The following DAB2IP variants were observed in gnomAD, a reference collection of about 807,000 sequenced individuals.
The protein encoded by DAB2IP is DAB2 interacting protein, also known as disabled homolog 2-interacting protein.
In DAB2IP, 28 loss-of-function variants were observed where a neutral mutation model predicts 107.2. The ratio of observed to expected loss-of-function variants is 0.26; its 90% confidence interval spans 0.19 to 0.36. DAB2IP has a LOEUF of 0.36. Ranked by LOEUF, DAB2IP falls within the 10% of genes least tolerant of loss-of-function variation. The pLI is 1.00. For synonymous variants in DAB2IP, 755 were observed against 706.4 expected, an observed-to-expected ratio of 1.07 and a Z score of -1.09; for missense variants, 1,400 against 1,644.7, an observed-to-expected ratio of 0.85 and a Z score of 2.57.
intron 3 of DAB2IP, chr9:121,742,919 C>G (rs1472860408): frequency 1.0e-6 from 1 of 985,340 alleles, no homozygotes; most frequent in East Asian, 1.1e-4. Context: ...GCACCTGTGA[C>G]AGGTGAGACT....
chr9:121,659,629 T>C (rs1464372604), intron 1 of DAB2IP, among the ~76,000 whole-genome samples: 1 of 151,850 alleles, frequency 6.6e-6, no homozygotes, highest in Non-Finnish European at 1.5e-5. Flanking sequence ...CCGTCTCTAC[T>C]AAAAATACAA....
In DAB2IP at chr9:121,627,446, C is replaced by T. The variant is rs191390986; in HGVS notation, c.41-51232C>T. ...ACATCCTTGTACATCTGTTCTTACA[C>T]GCTTGTGAGAGTTTATCTGAAGGAT... On this transcript the variant is annotated intron_variant, in intron 1 of 16. Transcript: ENST00000259371. Among the ~76,000 whole-genome samples the T allele has an allele frequency of 2.4e-4, 36 of 151,920 alleles. 1 individual carries two copies. Among genetic ancestry groups the T allele is most frequent in the Admixed American group, 1.7e-3 (26 of 15,250 alleles).
chr9:121,711,379 A>T (rs551624483), intron 3 of DAB2IP, among the ~76,000 whole-genome samples: 1 of 152,280 alleles, frequency 6.6e-6, no homozygotes, highest in Admixed American at 6.5e-5. Context: ...TACATTTTAC[A>T]TCCTCAAATT....
chr9:121,693,044 C>G (rs1829240078), intron 2 of DAB2IP, among the ~76,000 whole-genome samples: 1 of 152,242 alleles, frequency 6.6e-6, no homozygotes, highest in Non-Finnish European at 1.5e-5. Flanking sequence ...GGTGATCACC[C>G]AGTCTAGCCC....
chr9:121,642,025 C>CTTTCTTTCTTTCTT (rs1274054146), intron 1 of DAB2IP, among the ~76,000 whole-genome samples: 82 of 10,824 alleles, frequency 7.6e-3, no homozygotes, highest in Admixed American at 0.015. Context: ...CTCTCTCTCT[C>CTTTCTTTCTTTCTT]TCTCTCTTTC....
chr9:121,785,276 C>G (rs1263776095), exon 16 of DAB2IP: 3 of 148,370 alleles, frequency 2.0e-5, no homozygotes, highest in Non-Finnish European at 4.4e-5. Context: ...GGGAAACAGC[C>G]TCTCTCTTTT....
Position 121,635,766 on chromosome 9 carries a change from C to T in DAB2IP, c.41-42912C>T, listed in dbSNP as rs1832065056. On this transcript the variant is annotated intron_variant, in intron 1 of 16. Transcript: ENST00000259371. This position sits in a 1 kb window ranked among gnomAD's most constrained non-coding sequence, Gnocchi z 4.3. ...CAGTGGGGAGCGGGTTTTGGCCCAG[C>T]CCCACGCAGAGCCTTAAAGACGCAG... is the stretch of plus-strand genomic sequence containing the variant. 6.6e-6 allele frequency among the ~76,000 whole-genome samples: 1 copy of T among 152,202 alleles called. No individual in the cohort carries two copies. Among genetic ancestry groups the T allele is most frequent in the Non-Finnish European group, 1.5e-5 (1 of 68,036 alleles).
chr9:121,690,445 G>T (rs2118682699), intron 2 of DAB2IP, among the ~76,000 whole-genome samples: 1 of 152,256 alleles, frequency 6.6e-6, no homozygotes, highest in Middle Eastern at 3.4e-3. Context: ...CCTTAGCCAG[G>T]GCTGGCTGAG....
chr9:121,748,846 G>A (rs1254278151), intron 3 of DAB2IP, among the ~76,000 whole-genome samples: 1 of 152,178 alleles, frequency 6.6e-6, no homozygotes, highest in African/African-American at 2.4e-5. Context: ...CCTGTGATGT[G>A]GGGGGAAGCA....
intron 1 of DAB2IP, among the ~76,000 whole-genome samples, chr9:121,672,885 C>G (rs968895695): frequency 6.6e-6 from 1 of 152,198 alleles, no homozygotes; most frequent in African/African-American, 2.4e-5. Context: ...CCTATGGGAC[C>G]ATGAGGCCAG....
At chr9:121,572,114 C>T (rs966096340) in intron 1 of DAB2IP, among the ~76,000 whole-genome samples, 4 of 152,150 alleles carry the variant, frequency 2.6e-5, no homozygotes, top group Non-Finnish European at 5.9e-5. Context: ...AGAGGCCTGG[C>T]AGCGGCCAGC....
In DAB2IP at chr9:121,686,344, G is replaced by A. The variant is rs1435491399; in HGVS notation, c.228+7563G>A. 3.3e-5 allele frequency among the ~76,000 whole-genome samples: 5 copies of A among 152,180 alleles called. No homozygotes were observed. The East Asian group carries it at 9.6e-4, about 29-fold the overall frequency. On this transcript the variant is annotated intron_variant, in intron 2 of 15. Transcript: ENST00000408936. ...AAGTGAAGGGAACAAGCCAGCCTCT[G>A]TACCCCCTCCTCTTCCTGCCCTGGG...
chr9:121,592,127 G>A (rs1437237012), intron 1 of DAB2IP, among the ~76,000 whole-genome samples: 1 of 152,170 alleles, frequency 6.6e-6, no homozygotes, highest in African/African-American at 2.4e-5. Flanking sequence ...CAGCACTTTG[G>A]GAGGCCGAGG....
Position 121,699,558 on chromosome 9 carries a change from A to C in DAB2IP, c.362+100A>C. The C allele has an allele frequency of 5.7e-6, 6 of 1,061,540 alleles. No individual in the cohort carries two copies. Among genetic ancestry groups the C allele is most frequent in the Non-Finnish European group, 5.8e-6 (5 of 860,450 alleles). 65.8% of individuals were successfully genotyped at this position (1,061,540 alleles called of 1,614,324 possible). On this transcript the variant is annotated intron_variant, in intron 3 of 15. Coordinates refer to ENST00000408936, the Ensembl canonical transcript of DAB2IP. This position sits in a 1 kb window ranked among gnomAD's most constrained non-coding sequence, Gnocchi z 6.2. ...GCGAGCCCGGCCCGGGGCGAGCCAC[A>C]CGGCGGTGGGGGGACCCCACGCCGC...
intron 14 of DAB2IP, among the ~76,000 whole-genome samples, chr9:121,778,850 T>G (rs1397381888): frequency 6.8e-6 from 1 of 146,392 alleles, no homozygotes; most frequent in Non-Finnish European, 1.5e-5. Flanking sequence ...TTTATGTATC[T>G]GTTTTCCCTG....
chr9:121,660,918 A>G (rs563830774), intron 1 of DAB2IP, among the ~76,000 whole-genome samples: 2 of 152,238 alleles, frequency 1.3e-5, no homozygotes, highest in South Asian at 4.2e-4. Flanking sequence ...ATTTATAGAC[A>G]TTGAACTAGT....
At chr9:121,629,134 G>A (rs1831778115) in intron 1 of DAB2IP, among the ~76,000 whole-genome samples, 1 of 152,198 alleles carries the variant, frequency 6.6e-6, no homozygotes, top group Non-Finnish European at 1.5e-5. Context: ...TGCTGGTGAA[G>A]GCGACAGAAA....
chr9:121,739,497 G>A (rs1380170627), intron 3 of DAB2IP, among the ~76,000 whole-genome samples: 1 of 152,234 alleles, frequency 6.6e-6, no homozygotes, highest in African/African-American at 2.4e-5. Context: ...TAGGGGTAAG[G>A]GGAAGCCCAG....
chr9:121,695,969 T>C (rs1489237181), intron 2 of DAB2IP, among the ~76,000 whole-genome samples: 1 of 152,086 alleles, frequency 6.6e-6, no homozygotes, highest in African/African-American at 2.4e-5. Context: ...CCTGGGTTCA[T>C]GCAATTCTCC....
Sources: allele counts gnomAD v4.1 joint callset (sites outside exome capture counted in the v4.1 genomes callset), GRCh38; gene constraint gnomAD v4.1.1; non-coding constraint Gnocchi (gnomAD v3.1); transcripts MANE v1.5; gene names NCBI Gene and HGNC (gene_info 2026-07-23, HGNC 2026-07-21).